The following TNIK variants were observed in gnomAD, a reference collection of about 807,000 sequenced individuals.
TNIK encodes the protein TRAF2 and NCK-interacting protein kinase.
TNIK carries 49 observed loss-of-function variants against 191.3 expected under a neutral mutation model. That is an observed-to-expected ratio of 0.26 (90% CI 0.20 to 0.32). The LOEUF is 0.32. Among genes scored for constraint, TNIK ranks in the 10% least tolerant of loss-of-function variants. TNIK has a pLI of 1.00. For synonymous variants in TNIK, 594 were observed against 600.9 expected, an observed-to-expected ratio of 0.99 and a Z score of 0.17; for missense variants, 1,155 against 1,702.3, an observed-to-expected ratio of 0.68 and a Z score of 5.66.
rs376964973 is a variant in TNIK, at chr3:171,140,459, G to A, written c.1272C>T (p.Arg424=). 19 of 1,612,758 alleles carry A rather than the reference G, an allele frequency of 1.2e-5. No homozygotes were observed. In the Middle Eastern group the frequency reaches 6.6e-4, roughly 56 times the overall value. Residue 424 remains arginine (R), a synonymous_variant, in exon 13 of 33, where the codon CGC becomes CGT. Coordinates refer to ENST00000436636, the MANE Select transcript of TNIK (RefSeq NM_015028.4). Reference sequence around the variant, plus strand: ...GGCGCATCTGCTCCTCATAGTGCCGGCGCTGCTCCCTCTCCTGCTGCTTCC... The same window carrying A: ...GGCGCATCTGCTCCTCATAGTGCCGACGCTGCTCCCTCTCCTGCTGCTTCC... ...ELRKQQEREQ[R]RHYEEQMRRE...
chr3:171,208,191 T>C (rs1268607822), intron 4 of TNIK, among the ~76,000 whole-genome samples: 2 of 152,092 alleles, frequency 1.3e-5, no homozygotes, highest in African/African-American at 4.8e-5. Context: ...CATAGTGGCG[T>C]GCTCTTGCAG....
At chr3:171,445,327 G>T (rs897901975) in intron 1 of TNIK, among the ~76,000 whole-genome samples, 1 of 151,620 alleles carries the variant, frequency 6.6e-6, no homozygotes, top group Non-Finnish European at 1.5e-5. Flanking sequence ...GCTGAGATGA[G>T]AGAATCACCT....
At chr3:171,352,155 T>C (rs1713309643) in intron 2 of TNIK, among the ~76,000 whole-genome samples, 1 of 152,212 alleles carries the variant, frequency 6.6e-6, no homozygotes. Flanking sequence ...ACCTGGAGTA[T>C]CAAGGGTCTA....
intron 17 of TNIK, among the ~76,000 whole-genome samples, chr3:171,125,643 A>G (rs2108569334): frequency 6.6e-6 from 1 of 152,320 alleles, no homozygotes. Flanking sequence ...ACAGTTTGGA[A>G]TACTTGGTGT....
chr3:171,460,147 G>GT lies in TNIK; in HGVS notation c.-85dup. On this transcript the variant is annotated 5_prime_UTR_variant, in exon 1 of 33. An upstream open reading frame in the 5' UTR loses its in-frame stop. Coordinates refer to ENST00000436636, the MANE Select transcript of TNIK (RefSeq NM_015028.4). The surrounding 1 kb of genome is among the most constrained non-coding windows in gnomAD (Gnocchi z 6.8). Reference sequence around the variant, plus strand: ...TTCCACCTTGGTCTATTTCACTCGCGTCCTCATGCGGGTGTCGCGCCAGAG... The same window carrying GT: ...TTCCACCTTGGTCTATTTCACTCGCGTTCCTCATGCGGGTGTCGCGCCAGAG... 1 of 1,512,422 alleles carries GT rather than the reference G, an allele frequency of 6.6e-7. No homozygotes were observed. The allele number at this position is 1,512,422 out of a possible 1,614,324, so 93.7% of individuals were successfully genotyped here. A position where few individuals can be genotyped will look rare whatever the true frequency, so the allele number is the denominator to read the frequency against.
intron 2 of TNIK, among the ~76,000 whole-genome samples, chr3:171,323,442 C>T (rs956310690): frequency 2.0e-5 from 3 of 152,134 alleles, no homozygotes; most frequent in African/African-American, 7.2e-5. Flanking sequence ...TTGTGGATTA[C>T]ACCGCATGGA....
intron 4 of TNIK, among the ~76,000 whole-genome samples, chr3:171,207,508 G>A (rs2134117): frequency 0.26 from 40,046 of 151,784 alleles, 5,593 homozygotes; most frequent in East Asian, 0.49. Context: ...CCAATATACA[G>A]TTTTTATTTG....
At chr3:171,192,376 C>G (rs1738164998) in intron 5 of TNIK, among the ~76,000 whole-genome samples, 1 of 152,196 alleles carries the variant, frequency 6.6e-6, no homozygotes, top group Admixed American at 6.5e-5. Flanking sequence ...TTAATGAGAT[C>G]ATACAATGCA....
At chr3:171,303,922 C>T (rs906213376) in intron 2 of TNIK, among the ~76,000 whole-genome samples, 7 of 151,932 alleles carry the variant, frequency 4.6e-5, no homozygotes, top group Admixed American at 3.3e-4. Flanking sequence ...AGGCAAGGAA[C>T]CTTTATAGAG....
At chr3:171,422,916 T>A (rs1724021564) in intron 1 of TNIK, among the ~76,000 whole-genome samples, 1 of 152,188 alleles carries the variant, frequency 6.6e-6, no homozygotes, top group Non-Finnish European at 1.5e-5. Flanking sequence ...TTGCATCCCT[T>A]CTCCAGTGAA....
chr3:171,231,713 G>A (rs1053798158), intron 2 of TNIK, among the ~76,000 whole-genome samples: 2 of 152,136 alleles, frequency 1.3e-5, no homozygotes, highest in Non-Finnish European at 2.9e-5. Flanking sequence ...GGAGTCAGCC[G>A]ACCTAAAGCT....
chr3:171,106,268 C>T (rs1724865274), intron 21 of TNIK, among the ~76,000 whole-genome samples: 1 of 152,208 alleles, frequency 6.6e-6, no homozygotes, highest in Admixed American at 6.5e-5. Context: ...TGATCCTAAA[C>T]AATCTTGTAA....
At chr3:171,141,455 T>C (rs919657369) in intron 12 of TNIK, among the ~76,000 whole-genome samples, 3 of 152,190 alleles carry the variant, frequency 2.0e-5, no homozygotes, top group Non-Finnish European at 4.4e-5. Context: ...CTCTTCATTA[T>C]ACTCTCAGGA....
chr3:171,194,815 A>G (rs1738495308), intron 4 of TNIK, among the ~76,000 whole-genome samples, 180 bp from the exon 5 acceptor site: 1 of 152,240 alleles, frequency 6.6e-6, no homozygotes, highest in South Asian at 2.1e-4. Flanking sequence ...AATGATATAA[A>G]GGAAACATTA....
intron 2 of TNIK, among the ~76,000 whole-genome samples, chr3:171,296,272 C>T (rs1274879840): frequency 6.6e-6 from 1 of 152,110 alleles, no homozygotes; most frequent in Non-Finnish European, 1.5e-5. Flanking sequence ...TGGAGAGAGG[C>T]AGCCAAGGCA....
chr3:171,133,767 A>T (rs1729620871), intron 15 of TNIK, among the ~76,000 whole-genome samples: 1 of 152,224 alleles, frequency 6.6e-6, no homozygotes, highest in Non-Finnish European at 1.5e-5. Context: ...TAAAAGGAAA[A>T]AGAAATCACT....
intron 2 of TNIK, among the ~76,000 whole-genome samples, chr3:171,305,471 G>A (rs930818800): frequency 2.0e-5 from 3 of 151,986 alleles, no homozygotes; most frequent in South Asian, 2.1e-4. Context: ...TACATCTAAC[G>A]AAGTCTAATA....
intron 18 of TNIK, among the ~76,000 whole-genome samples, chr3:171,120,406 C>T (rs947654006): frequency 2.7e-5 from 4 of 149,386 alleles, no homozygotes; most frequent in South Asian, 4.3e-4. Flanking sequence ...CTGCAAGCTC[C>T]GCTTCCCGGA....
intron 12 of TNIK, among the ~76,000 whole-genome samples, chr3:171,146,376 T>C (rs1731587155): frequency 6.6e-6 from 1 of 152,190 alleles, no homozygotes; most frequent in African/African-American, 2.4e-5. Flanking sequence ...TTGGCCCTGG[T>C]CCATCTTTTA....
Sources: allele counts gnomAD v4.1 joint callset (sites outside exome capture counted in the v4.1 genomes callset), GRCh38; gene constraint gnomAD v4.1.1; non-coding constraint Gnocchi (gnomAD v3.1); transcripts MANE v1.5; gene names NCBI Gene and HGNC (gene_info 2026-07-23, HGNC 2026-07-21).